BIRC6: variants seen among roughly 807,000 people sequenced by gnomAD.
BIRC6 encodes dual E2 ubiquitin-conjugating enzyme/E3 ubiquitin-protein ligase BIRC6.
A neutral mutation model predicts 503.3 loss-of-function variants in BIRC6; 98 were observed. That is an observed-to-expected ratio of 0.19 (90% CI 0.17 to 0.23). BIRC6 has a LOEUF of 0.23. BIRC6 is among the 10% of genes least tolerant of loss of function. The pLI is 1.00. For missense variants in BIRC6, 5,360 were observed against 5,806.0 expected, an observed-to-expected ratio of 0.92 and a Z score of 2.50; for synonymous variants, 2,240 against 2,078.7, an observed-to-expected ratio of 1.08 and a Z score of -2.11.
chr2:32,532,309 T>A (rs2056850879), intron 61 of BIRC6: 4 of 471,256 alleles, frequency 8.5e-6, no homozygotes, highest in African/African-American at 2.0e-5. Context: ...AATCAAGATA[T>A]CAGCAGGGCC....
chr2:32,547,851 C>T lies in BIRC6; in HGVS notation c.12812C>T (p.Pro4271Leu), dbSNP rs776221366. ...ATTTTCATTTTTTGTTATTTTAAGC[C>T]ACAGGTGTCAAGCTCTCATAACCCT... ...VPNSSVNQTE[P>L]QVSSSHNPTS... is the part of the protein sequence containing the mutation. The change falls in exon 64 of 74, where the codon CCA becomes CTA. Residue 4271 changes from proline to leucine, a missense_variant and splice_region_variant. Pro to Leu is a moderately conservative substitution (Grantham distance 98). This residue lies in a region of BIRC6 where 477 missense variants were observed against 574.4 expected (regional missense o/e 0.83). Coordinates refer to ENST00000421745, the MANE Select transcript of BIRC6 (RefSeq NM_016252.4). 28 of 1,547,640 alleles carry T rather than the reference C, an allele frequency of 1.8e-5. No individual in the cohort carries two copies. Among genetic ancestry groups the T allele is most frequent in the East Asian group, 9.3e-5 (4 of 42,980 alleles).
Position 32,600,646 on chromosome 2 carries a change from T to TA in BIRC6, c.13992+750dup, listed in dbSNP as rs545557618. 3.5e-3 allele frequency among the ~76,000 whole-genome samples: 532 copies of TA among 152,342 alleles called. 2 individuals carry two copies. The highest frequency in any genetic ancestry group is 6.1e-3 in the Non-Finnish European group (415 of 68,028). Reference sequence around the variant, plus strand: ...CTGGAACTTGAATAGAGTGTAAGTGTAAAATATTAAGATGTATTTAAGAAA... The same window carrying TA: ...CTGGAACTTGAATAGAGTGTAAGTGTAAAAATATTAAGATGTATTTAAGAAA... On this transcript the variant is annotated intron_variant, in intron 70 of 73. Transcript: ENST00000421745.
Position 32,415,959 on chromosome 2 carries a change from G to A in BIRC6, c.2668G>A (p.Glu890Lys). The A allele has an allele frequency of 6.2e-7, 1 of 1,613,828 alleles. No homozygotes were observed. Among genetic ancestry groups the A allele is most frequent in the Non-Finnish European group, 8.5e-7 (1 of 1,179,794 alleles). ...DMQLTSKNGF[E>K]REKTSDISTL... Reference sequence around the variant, plus strand: ...GCAGTTAACCTCAAAGAATGGTTTTGAGAGAGAAAAAACGTCTGACATTTC... The same window carrying A: ...GCAGTTAACCTCAAAGAATGGTTTTAAGAGAGAAAAAACGTCTGACATTTC... Residue 890 changes from glutamate to lysine, a missense_variant, in exon 10 of 74, where the codon GAG becomes AAG. By Grantham distance (56) the Glu-to-Lys change is moderately conservative. Coordinates refer to ENST00000421745, the MANE Select transcript of BIRC6 (RefSeq NM_016252.4).
chr2:32,560,965 C>T lies in BIRC6; in HGVS notation c.13144+11484C>T, dbSNP rs1055026399. On this transcript the variant is annotated intron_variant, in intron 65 of 73. Transcript: ENST00000421745. ...CTGTAATCCCAGCACTTTGGGAGGC[C>T]GAGGCGGGTGGATCACGAGGTCAGG... is the stretch of plus-strand genomic sequence containing the variant. Among the ~76,000 whole-genome samples, 9 of 151,686 alleles carry T rather than the reference C, an allele frequency of 5.9e-5. No individual in the cohort carries two copies. The South Asian group carries it at 1.2e-3, about 21-fold the overall frequency.
intron 3 of BIRC6, among the ~76,000 whole-genome samples, chr2:32,387,919 A>AATTTTC (rs2038709863): frequency 6.6e-6 from 1 of 152,094 alleles, no homozygotes; most frequent in Non-Finnish European, 1.5e-5. Flanking sequence ...AAAATTAAAA[A>AATTTTC]ATTTTCATTG....
intron 60 of BIRC6, among the ~76,000 whole-genome samples, chr2:32,530,147 T>G (rs2056610444): frequency 6.6e-6 from 1 of 152,224 alleles, no homozygotes; most frequent in Non-Finnish European, 1.5e-5. Context: ...TGAGTGGCAT[T>G]TCTTGCATAT....
intron 61 of BIRC6, chr2:32,532,325 C>A: frequency 2.2e-6 from 1 of 457,180 alleles, no homozygotes; most frequent in South Asian, 1.6e-5. Context: ...GGGCCATGCT[C>A]CCTCTGAATT....
At position 32,507,896 on chromosome 2, in the gene BIRC6, G is replaced by C. The variant is rs1215954020; in HGVS notation, c.9701-84G>C. ...GTTCATGATGAATACAACTGTGAAAGCTGCTATTTTACTGGGATTTTAATA... is the reference window on the plus strand; with the variant it reads ...GTTCATGATGAATACAACTGTGAAACCTGCTATTTTACTGGGATTTTAATA... On this transcript the variant is annotated intron_variant, in intron 50 of 73. Transcript: ENST00000421745. 3.1e-6 allele frequency: 4 copies of C among 1,279,976 alleles called. No individual in the cohort carries two copies. The Admixed American group carries it at 8.8e-5, about 28-fold the overall frequency. The allele number at this position is 1,279,976 out of a possible 1,614,324, so 79.3% of individuals were successfully genotyped here.
intron 66 of BIRC6, among the ~76,000 whole-genome samples, chr2:32,577,921 A>G (rs556056206): frequency 3.3e-4 from 50 of 152,344 alleles, no homozygotes; most frequent in African/African-American, 1.2e-3. Context: ...CAAAATATGC[A>G]TGTGAAGATA....
Position 32,357,591 on chromosome 2 carries a change from G to A in BIRC6, c.325+105G>A. The A allele has an allele frequency of 2.0e-6, 3 of 1,477,154 alleles. No homozygotes were observed. The highest frequency in any genetic ancestry group is 4.7e-4 in the Middle Eastern group (2 of 4,258). 91.5% of individuals were successfully genotyped at this position (1,477,154 alleles called of 1,614,324 possible). A position where few individuals can be genotyped will look rare whatever the true frequency, so the allele number is the denominator to read the frequency against. ...GGAAGCGAGATGGCGAGAGGGCAGG[G>A]CTGGGGGTTCGGGCCCAGCCGTGAA... On this transcript the variant is annotated intron_variant, in intron 1 of 73. Transcript: ENST00000421745. The surrounding 1 kb of genome is among the most constrained non-coding windows in gnomAD (Gnocchi z 4.9).
In BIRC6 at chr2:32,499,958, C is replaced by T. The variant is rs1406512795; in HGVS notation, c.8880C>T (p.Val2960=). ...TTDSVSDEEK[V]SGGKDGNGSS... ...ATAGTGTTTCAGATGAAGAAAAAGT[C>T]TCAGGAGGCAAAGATGGCAATGGAA... The change falls in exon 46 of 74, where the codon GTC becomes GTT. Residue 2960 remains valine, a synonymous_variant. Coordinates refer to ENST00000421745, the MANE Select transcript of BIRC6 (RefSeq NM_016252.4). 1 of 1,613,834 alleles carries T rather than the reference C, an allele frequency of 6.2e-7. No homozygotes were observed. Among genetic ancestry groups the T allele is most frequent in the Non-Finnish European group, 8.5e-7 (1 of 1,179,874 alleles).
intron 57 of BIRC6, among the ~76,000 whole-genome samples, chr2:32,523,771 G>T (rs909868708): frequency 6.6e-6 from 1 of 152,138 alleles, no homozygotes; most frequent in Non-Finnish European, 1.5e-5. Flanking sequence ...AAAGAGAATT[G>T]AGCTAGATGC....
intron 53 of BIRC6, among the ~76,000 whole-genome samples, chr2:32,510,844 A>T (rs1236420370): frequency 6.6e-6 from 1 of 152,206 alleles, no homozygotes; most frequent in Non-Finnish European, 1.5e-5. Flanking sequence ...ACTTTAAGCA[A>T]ATTTGAACTT....
chr2:32,457,260 G>T lies in BIRC6; in HGVS notation c.4753+3318G>T, dbSNP rs145690710. 7.9e-5 allele frequency among the ~76,000 whole-genome samples: 12 copies of T among 152,166 alleles called. No homozygotes were observed. The East Asian group carries it at 2.3e-3, about 29-fold the overall frequency. Reference sequence around the variant, plus strand: ...TGTAGTTGCATTTATTAAAAATCCAGCCTGACATTTTTGTCTTTCAATGGG... The same window carrying T: ...TGTAGTTGCATTTATTAAAAATCCATCCTGACATTTTTGTCTTTCAATGGG... On this transcript the variant is annotated intron_variant, in intron 23 of 73. Coordinates refer to ENST00000421745, the MANE Select transcript of BIRC6 (RefSeq NM_016252.4).
At chr2:32,493,758 C>A in intron 45 of BIRC6, 91 bp downstream of exon 45, 1 of 1,087,232 alleles carries the variant, frequency 9.2e-7, no homozygotes, top group Non-Finnish European at 1.3e-6. Flanking sequence ...GGGAATTTAT[C>A]TGTGAACAAA....
chr2:32,494,337 C>T (rs1276007187), intron 45 of BIRC6, among the ~76,000 whole-genome samples: 1 of 151,794 alleles, frequency 6.6e-6, no homozygotes, highest in Non-Finnish European at 1.5e-5. Context: ...AAGCGATTCT[C>T]ATGCCTCAGC....
Position 32,508,010 on chromosome 2 carries a change from G to C in BIRC6, c.9731G>C (p.Ser3244Thr). 1.2e-6 allele frequency: 2 copies of C among 1,613,854 alleles called. No homozygotes were observed. The highest frequency in any genetic ancestry group is 4.5e-5 in the East Asian group (2 of 44,858). The change falls in exon 51 of 74, where the codon AGT becomes ACT. Residue 3244 changes from serine to threonine, a missense_variant. Physicochemically the swap from Ser to Thr is moderately conservative, Grantham distance 58. This residue lies in a region of BIRC6 where 267 missense variants were observed against 287.6 expected (regional missense o/e 0.93). Transcript: ENST00000421745. ...TCPSSVSVEV[S>T]ADGVNMLPLS... The stretch of plus-strand genomic sequence containing the variant: ...CCTTCCTCAGTGTCTGTTGAAGTAA[G>C]TGCAGATGGGGTAAATATGCTACCT...
intron 65 of BIRC6, among the ~76,000 whole-genome samples, chr2:32,574,094 CCT>C (rs2060093554): frequency 6.6e-6 from 1 of 151,610 alleles, no homozygotes; most frequent in Admixed American, 6.6e-5. Flanking sequence ...TTAAGTTGAC[CCT>C]TGAATAATGC....
intron 72 of BIRC6, among the ~76,000 whole-genome samples, chr2:32,608,315 A>G (rs1391664285): frequency 1.3e-5 from 2 of 151,996 alleles, no homozygotes; most frequent in African/African-American, 4.8e-5. Flanking sequence ...GATAGTACAG[A>G]TGAAGTATAA....
Sources: allele counts gnomAD v4.1 joint callset (sites outside exome capture counted in the v4.1 genomes callset), GRCh38; gene constraint gnomAD v4.1.1; regional missense constraint gnomAD v4.1.1; non-coding constraint Gnocchi (gnomAD v3.1); transcripts MANE v1.5; gene names NCBI Gene and HGNC (gene_info 2026-07-23, HGNC 2026-07-21).